The following ANO5 variants were observed in gnomAD, a reference collection of about 807,000 sequenced individuals.
ANO5 encodes anoctamin 5.
A neutral mutation model predicts 121.0 loss-of-function variants in ANO5; 109 were observed. The ratio of observed to expected loss-of-function variants is 0.90; its 90% CI spans 0.77 to 1.06. ANO5 has a LOEUF of 1.06. ANO5 is among the 50% of genes least tolerant of loss of function. ANO5 has a pLI of 0.00. For synonymous variants in ANO5, 406 were observed against 359.9 expected, an observed-to-expected ratio of 1.13 and a Z score of -1.45; for missense variants, 1,064 against 1,078.5, an observed-to-expected ratio of 0.99 and a Z score of 0.19.
At chr11:22,234,351 G>A (rs1176838847) in intron 7 of ANO5, among the ~76,000 whole-genome samples, 1 of 152,058 alleles carries the variant, frequency 6.6e-6, no homozygotes, top group Non-Finnish European at 1.5e-5. Flanking sequence ...TTTATAAACT[G>A]TTGATCTCTT....
intron 5 of ANO5, among the ~76,000 whole-genome samples, chr11:22,224,625 A>G (rs558474183): frequency 4.6e-5 from 7 of 152,226 alleles, no homozygotes; most frequent in Non-Finnish European, 8.8e-5. Context: ...TGAAACTACC[A>G]GAAGAAAACA....
chr11:22,274,886 T>G (rs1854775499), intron 20 of ANO5, 139 bp downstream of exon 20: 2 of 1,165,116 alleles, frequency 1.7e-6, no homozygotes, highest in Admixed American at 2.0e-5. Context: ...AGTGTATCCA[T>G]TCTAGAATTC....
chr11:22,193,669 A>C, intron 1 of ANO5, 137 bp downstream of exon 1: 4 of 1,176,730 alleles, frequency 3.4e-6, no homozygotes, highest in Non-Finnish European at 4.8e-6. Context: ...TGGCGTGCTC[A>C]GCGCGAAACC....
chr11:22,192,490 C>A (rs76781030), upstream of ANO5, among the ~76,000 whole-genome samples: 1 of 152,240 alleles, frequency 6.6e-6, no homozygotes, highest in African/African-American at 2.4e-5. Context: ...CCGCTCCAGA[C>A]GCTATGGGGA....
chr11:22,199,275 T>C (rs11026458), intron 1 of ANO5, among the ~76,000 whole-genome samples: 64 of 152,272 alleles, frequency 4.2e-4, no homozygotes, highest in Non-Finnish European at 7.9e-4. Context: ...CCTGCTTACC[T>C]CCTATATGCC....
chr11:22,223,067 T>A (rs928187275), intron 5 of ANO5, among the ~76,000 whole-genome samples: 1 of 152,030 alleles, frequency 6.6e-6, no homozygotes, highest in Non-Finnish European at 1.5e-5. Context: ...TCTTACTTTC[T>A]GTTACCATAG....
At chr11:22,217,304 T>C (rs1852477185) in intron 3 of ANO5, among the ~76,000 whole-genome samples, 1 of 151,998 alleles carries the variant, frequency 6.6e-6, no homozygotes, top group African/African-American at 2.4e-5. Flanking sequence ...TATAGTTGAG[T>C]ATCCCAGATA....
intron 18 of ANO5, among the ~76,000 whole-genome samples, chr11:22,272,343 C>CAT (rs1256945549): frequency 6.7e-6 from 1 of 148,816 alleles, no homozygotes; most frequent in Non-Finnish European, 1.5e-5. Context: ...CACACACACA[C>CAT]ACAGCTGGCT....
chr11:22,263,085 A>G (rs79839563), intron 17 of ANO5, 42 bp downstream of exon 17: 2 of 1,491,032 alleles, frequency 1.3e-6, no homozygotes, highest in Non-Finnish European at 1.9e-6. Context: ...TTAAGTAACC[A>G]TGAGATATTT....
At chr11:22,201,338 A>G (rs1157842675) in intron 1 of ANO5, among the ~76,000 whole-genome samples, 1 of 152,230 alleles carries the variant, frequency 6.6e-6, no homozygotes, top group African/African-American at 2.4e-5. Context: ...GCGGATAAAA[A>G]GATAGTAATT....
intron 1 of ANO5, among the ~76,000 whole-genome samples, chr11:22,199,202 T>G (rs1467929877): frequency 1.3e-5 from 2 of 152,182 alleles, no homozygotes; most frequent in African/African-American, 4.8e-5. Context: ...CCAAGGAATT[T>G]ACAGCAGTTT....
intron 2 of ANO5, among the ~76,000 whole-genome samples, chr11:22,206,180 C>T (rs1387698919): frequency 6.6e-6 from 1 of 151,880 alleles, no homozygotes; most frequent in Non-Finnish European, 1.5e-5. Context: ...AACAAAAAAC[C>T]TAAAAGTTGG....
At chr11:22,208,596 C>T (rs1001543150) in intron 2 of ANO5, among the ~76,000 whole-genome samples, 1 of 151,898 alleles carries the variant, frequency 6.6e-6, no homozygotes, top group Admixed American at 6.6e-5. Flanking sequence ...TAGCTCTATA[C>T]CTTGACAGGG....
intron 17 of ANO5, 121 bp from the exon 18 acceptor site, chr11:22,270,191 C>T (rs2133777736): frequency 2.3e-6 from 3 of 1,310,124 alleles, no homozygotes; most frequent in East Asian, 2.5e-5. Context: ...TTTCTCTTTG[C>T]TCTGTGATCT....
chr11:22,205,883 T>C (rs1349284828), intron 2 of ANO5, among the ~76,000 whole-genome samples: 2 of 152,126 alleles, frequency 1.3e-5, no homozygotes, highest in East Asian at 3.9e-4. Flanking sequence ...GGACCAATTC[T>C]TCAAGAAGCA....
In ANO5 at chr11:22,227,424, G is replaced by C. The variant is rs774878161; in HGVS notation, c.486G>C (p.Lys162Asn). 6.2e-7 allele frequency: 1 copy of C among 1,613,482 alleles called. No individual in the cohort carries two copies. Among genetic ancestry groups the C allele is most frequent in the South Asian group, 1.1e-5 (1 of 91,066 alleles). The change falls in exon 7 of 22, where the codon AAG becomes AAC. Residue 162 changes from lysine to asparagine, a missense_variant. Transcript: ENST00000324559. Reference sequence around the variant, plus strand: ...AGGAGAGTGATATTCCCCGCCCTAAGCACACTCCTATAAGCTATGTGCTTG... The same window carrying C: ...AGGAGAGTGATATTCCCCGCCCTAACCACACTCCTATAAGCTATGTGCTTG... ...PIKESDIPRP[K>N]HTPISYVLGP...
intron 9 of ANO5, among the ~76,000 whole-genome samples, chr11:22,242,436 A>C (rs1853463669): frequency 6.6e-6 from 1 of 152,128 alleles, no homozygotes; most frequent in Non-Finnish European, 1.5e-5. Context: ...GAAAAATGTC[A>C]TTGGTAGTGT....
intron 18 of ANO5, among the ~76,000 whole-genome samples, chr11:22,271,452 C>G (rs1364691168): frequency 6.6e-6 from 1 of 152,116 alleles, no homozygotes; most frequent in Non-Finnish European, 1.5e-5. Context: ...TTATGTGATA[C>G]ATGGATTGAA....
At chr11:22,223,597 C>T (rs1385703726) in intron 5 of ANO5, among the ~76,000 whole-genome samples, 1 of 151,954 alleles carries the variant, frequency 6.6e-6, no homozygotes, top group East Asian at 1.9e-4. Flanking sequence ...GGAGGGAACT[C>T]TTCAGAAAAG....
Sources: allele counts gnomAD v4.1 joint callset (sites outside exome capture counted in the v4.1 genomes callset), GRCh38; gene constraint gnomAD v4.1.1; transcripts MANE v1.5; gene names NCBI Gene and HGNC (gene_info 2026-07-23, HGNC 2026-07-21).